Variants in TRHDE observed in about 807,000 individuals in gnomAD.
TRHDE encodes the protein thyrotropin-releasing hormone-degrading ectoenzyme.
Under a neutral mutation model 125.7 loss-of-function variants are expected in TRHDE, and 72 were observed. The observed-to-expected ratio is 0.57, with a 90% CI of 0.47 to 0.70. TRHDE has a LOEUF of 0.70. Among genes scored for constraint, TRHDE ranks in the 30% least tolerant of loss-of-function variants. The probability of loss-of-function intolerance (pLI) is 0.00; values close to 1 mark genes in which losing one functional copy is unlikely to be tolerated. For synonymous variants in TRHDE, 509 were observed against 509.1 expected (o/e 1.00, Z 0.00); for missense variants, 1,110 against 1,327.1 (o/e 0.84, Z 2.54).
At chr12:72,261,106 A>G (rs539630840) in intron 2 of TRHDE, among the ~76,000 whole-genome samples, 5 of 152,270 alleles carry the variant, frequency 3.3e-5, no homozygotes, top group Non-Finnish European at 5.9e-5. Flanking sequence ...AAAATTTTAG[A>G]TATTTTCCCC....
chr12:72,517,289 T>G (rs1878920278), intron 6 of TRHDE, among the ~76,000 whole-genome samples: 1 of 151,524 alleles, frequency 6.6e-6, no homozygotes, highest in Non-Finnish European at 1.5e-5. Context: ...TCTTTTTGGT[T>G]GGTAAGCTAT....
chr12:72,510,585 A>T (rs1392348869), intron 6 of TRHDE, among the ~76,000 whole-genome samples: 1 of 152,136 alleles, frequency 6.6e-6, no homozygotes, highest in Non-Finnish European at 1.5e-5. Flanking sequence ...CATGCTTTTC[A>T]TTCTGCCAGG....
intron 3 of TRHDE, among the ~76,000 whole-genome samples, chr12:72,461,307 A>G (rs1876115549): frequency 1.3e-5 from 2 of 152,322 alleles, no homozygotes; most frequent in South Asian, 4.1e-4. Flanking sequence ...TAAGGATAGC[A>G]AAGTTTAACT....
intron 2 of TRHDE, among the ~76,000 whole-genome samples, chr12:72,181,169 GA>G (rs1877089079): frequency 6.6e-6 from 1 of 152,138 alleles, no homozygotes; most frequent in Non-Finnish European, 1.5e-5. Context: ...ACACAATTAA[GA>G]AGTGTCTGGT....
At chr12:72,143,199 C>A (rs1055410779) in intron 2 of TRHDE, among the ~76,000 whole-genome samples, 1 of 152,198 alleles carries the variant, frequency 6.6e-6, no homozygotes, top group Non-Finnish European at 1.5e-5. Context: ...TGCATGCTCC[C>A]TATCCCACTA....
At chr12:72,322,595 T>C (rs951533296) in intron 2 of TRHDE, among the ~76,000 whole-genome samples, 2 of 140,356 alleles carry the variant, frequency 1.4e-5, no homozygotes, top group Non-Finnish European at 3.2e-5. Flanking sequence ...CTTAAACTTG[T>C]ATTTTCCACA....
chr12:72,148,691 A>G (rs1592458736), intron 2 of TRHDE, among the ~76,000 whole-genome samples: 1 of 152,336 alleles, frequency 6.6e-6, no homozygotes, highest in African/African-American at 2.4e-5. Flanking sequence ...TTGGCATATC[A>G]TGGTGCCCTT....
chr12:72,412,227 A>G (rs921201522), intron 3 of TRHDE, among the ~76,000 whole-genome samples: 20 of 152,134 alleles, frequency 1.3e-4, no homozygotes, highest in African/African-American at 4.8e-4. Context: ...AAATCAGCCA[A>G]ACAGAAAGAC....
intron 2 of TRHDE, among the ~76,000 whole-genome samples, chr12:72,117,086 A>C (rs939597430): frequency 6.6e-6 from 1 of 151,992 alleles, no homozygotes; most frequent in Non-Finnish European, 1.5e-5. Context: ...GAAGGTTTTT[A>C]GCTGAACGTA....
chr12:72,326,161 A>G (rs1159455705), intron 2 of TRHDE, among the ~76,000 whole-genome samples: 1 of 152,204 alleles, frequency 6.6e-6, no homozygotes, highest in Non-Finnish European at 1.5e-5. Context: ...CTATACCTTC[A>G]AAAACAAAAA....
chr12:72,121,104 C>A (rs995737758), intron 2 of TRHDE, among the ~76,000 whole-genome samples: 2 of 152,154 alleles, frequency 1.3e-5, no homozygotes, highest in East Asian at 1.9e-4. Flanking sequence ...AATTTACACA[C>A]CAAAATTACA....
At chr12:72,098,025 C>A (rs1403687240) in intron 1 of TRHDE, among the ~76,000 whole-genome samples, 3 of 151,966 alleles carry the variant, frequency 2.0e-5, no homozygotes, top group Non-Finnish European at 2.9e-5. Context: ...TTTTTATTCA[C>A]AATACTTTAT....
intron 17 of TRHDE, among the ~76,000 whole-genome samples, chr12:72,653,984 A>G (rs1313644729): frequency 6.6e-6 from 1 of 152,180 alleles, no homozygotes; most frequent in African/African-American, 2.4e-5. Context: ...CACTCTATCC[A>G]TAGGTATTTC....
At chr12:72,224,091 CATCT>C (rs755241021) in intron 2 of TRHDE, among the ~76,000 whole-genome samples, 161 of 50,266 alleles carry the variant, frequency 3.2e-3, no homozygotes, top group African/African-American at 5.2e-3. Flanking sequence ...TCTATCTATC[CATCT>C]ATCTATCTAT....
rs576843802 is a variant in TRHDE at position 72,415,920 on chromosome 12, A to G, written c.1315+37799A>G. 3.8e-4 allele frequency among the ~76,000 whole-genome samples: 58 copies of G among 152,122 alleles called. 1 individual carries two copies. The South Asian group carries it at 0.011, about 29-fold the overall frequency. ...TACCCAACAGTGGGATTGCTAGATG[A>G]TATGGTGGCTCTATTTTTGTTTTTT... On this transcript the variant is annotated intron_variant, in intron 3 of 18. Transcript: ENST00000261180.
chr12:72,389,822 T>C (rs574498719), intron 3 of TRHDE, among the ~76,000 whole-genome samples: 7 of 152,228 alleles, frequency 4.6e-5, no homozygotes, highest in South Asian at 4.1e-4. Context: ...TTTTAAAGAA[T>C]CACATTGGCT....
At chr12:72,320,571 G>GTGTGTC (rs1209001310) in intron 2 of TRHDE, among the ~76,000 whole-genome samples, 4 of 151,790 alleles carry the variant, frequency 2.6e-5, no homozygotes, top group South Asian at 4.2e-4. Context: ...GTGTGTGTGT[G>GTGTGTC]TGTGTGTGTG....
chr12:72,611,125 G>T, intron 12 of TRHDE: 1 of 171,918 alleles, frequency 5.8e-6, no homozygotes, highest in South Asian at 1.5e-4. Context: ...AGTCACCACT[G>T]AGCAATATCA....
chr12:72,324,759 C>G (rs574281192), intron 2 of TRHDE, among the ~76,000 whole-genome samples: 1 of 152,184 alleles, frequency 6.6e-6, no homozygotes, highest in Admixed American at 6.5e-5. Context: ...TTTTCCCTTT[C>G]GAATCTTTGC....
Sources: gnomAD v4.1 joint callset for allele counts (sites outside exome capture counted in the v4.1 genomes callset) on GRCh38, gnomAD v4.1.1 for gene constraint, MANE v1.5 for transcripts, NCBI Gene and HGNC (gene_info 2026-07-23, HGNC 2026-07-21) for gene names.